Variants in C16orf92 observed in about 807,000 individuals in gnomAD.
C16orf92 encodes the protein fertilization-influencing membrane protein.
In C16orf92, 14 loss-of-function variants were observed where a neutral mutation model predicts 13.7. The ratio of observed to expected loss-of-function variants is 1.02; its 90% CI spans 0.67 to 1.60. The LOEUF (loss-of-function observed/expected upper bound fraction) is 1.60. Among genes scored for constraint, C16orf92 ranks in the 40% most tolerant of loss-of-function variants. The probability of loss-of-function intolerance (pLI) is 0.00; values close to 1 mark genes in which losing one functional copy is unlikely to be tolerated. For synonymous variants in C16orf92, 50 were observed against 57.4 expected (o/e 0.87, Z 0.58); for missense variants, 116 against 139.0 (o/e 0.83, Z 0.83).
At chr16:30,025,194 C>T (rs1403058245), downstream of C16orf92, 1 of 1,474,524 alleles carries the variant, frequency 6.8e-7, no homozygotes, top group Non-Finnish European at 8.9e-7. This position sits in a 1 kb window ranked among gnomAD's most constrained non-coding sequence, Gnocchi z 4.1. Flanking sequence ...CAGTCCTGGG[C>T]CTGGCAGGCC....
chr16:30,026,951 TG>T, downstream of C16orf92: 1 of 911,642 alleles, frequency 1.1e-6, no homozygotes, highest in East Asian at 2.6e-5. Context: ...AGCGGAGTCT[TG>T]GGTACAGATG....
chr16:30,025,681 T>A, downstream of C16orf92: 1 of 1,589,062 alleles, frequency 6.3e-7, no homozygotes. This position sits in a 1 kb window ranked among gnomAD's most constrained non-coding sequence, Gnocchi z 4.1. Context: ...CTCCCCTTCC[T>A]GTGACCTCCC....
chr16:30,023,669 C>T lies in C16orf92; in HGVS notation c.65-58C>T, dbSNP rs192016794. ...CAGGGTCCCAAGTCAGCTTCCGCCT[C>T]GAGAGATAAAGGCAGGGGTCAGCTT... is the stretch of plus-strand genomic sequence containing the variant. On this transcript the variant is annotated intron_variant, in intron 1 of 3. Transcript: ENST00000681219. The T allele has an allele frequency of 3.8e-5, 61 of 1,613,904 alleles. No homozygotes were observed. In the Middle Eastern group the frequency reaches 4.9e-4, roughly 13 times the overall value.
downstream of C16orf92, chr16:30,026,465 C>T: frequency 1.4e-6 from 1 of 738,776 alleles, no homozygotes; most frequent in Non-Finnish European, 2.2e-6. Flanking sequence ...GTGAACCCTG[C>T]CTGTCCACAG....
downstream of C16orf92, chr16:30,024,973 T>C: frequency 2.0e-6 from 1 of 495,462 alleles, no homozygotes; most frequent in Non-Finnish European, 3.5e-6. Context: ...AGCGCAAGGG[T>C]GTGCAGGAAG....
At chr16:30,025,142 G>C, downstream of C16orf92, 1 of 1,288,050 alleles carries the variant, frequency 7.8e-7, no homozygotes, top group Non-Finnish European at 1.0e-6. The surrounding 1 kb of genome is among the most constrained non-coding windows in gnomAD (Gnocchi z 4.1). Context: ...CTGTCTCCAC[G>C]GGGGTGGGGG....
At chr16:30,027,176 G>T (rs1377332697), downstream of C16orf92, 1 of 480,730 alleles carries the variant, frequency 2.1e-6, no homozygotes, top group Non-Finnish European at 4.1e-6. Flanking sequence ...ACAGGCAGGT[G>T]GGACCTTGCC....
At position 30,024,555 on chromosome 16, in the gene C16orf92, G is replaced by A; in HGVS notation, c.*328G>A. On this transcript the variant is annotated 3_prime_UTR_variant, in exon 4 of 4. Coordinates refer to ENST00000681219, the MANE Select transcript of C16orf92 (RefSeq NM_001109659.2). ...ACATGGCAGGGCCCGAGGGCGCGAT[G>A]TGCAGCCGATGGTGAGGGACTGGGC... 1 of 398,392 alleles carries A rather than the reference G, an allele frequency of 2.5e-6. No individual in the cohort carries two copies. The highest frequency in any genetic ancestry group is 4.5e-6 in the Non-Finnish European group (1 of 221,126). The allele number at this position is 398,392 out of a possible 1,614,324, so 24.7% of individuals were successfully genotyped here. A position where few individuals can be genotyped will look rare whatever the true frequency, so the allele number is the denominator to read the frequency against.
In C16orf92 at chr16:30,024,478, G is replaced by T. The variant is rs1293867117; in HGVS notation, c.*251G>T. On this transcript the variant is annotated 3_prime_UTR_variant, in exon 4 of 4. Coordinates refer to ENST00000681219, the MANE Select transcript of C16orf92 (RefSeq NM_001109659.2). ...TAGCGGTCTGTAAAGCACCTCCCAG[G>T]GTCCCCCGACCCCAGATTGGAGGAA... 1.8e-6 allele frequency: 1 copy of T among 569,886 alleles called. No homozygotes were observed. Among genetic ancestry groups the T allele is most frequent in the Non-Finnish European group, 3.1e-6 (1 of 325,110 alleles). 35.3% of individuals were successfully genotyped at this position (569,886 alleles called of 1,614,324 possible).
chr16:30,025,244 C>T, downstream of C16orf92: 1 of 1,533,044 alleles, frequency 6.5e-7, no homozygotes, highest in Non-Finnish European at 8.8e-7. This position sits in a 1 kb window ranked among gnomAD's most constrained non-coding sequence, Gnocchi z 4.1. Flanking sequence ...GCGGCAGGCC[C>T]CACGGCAGAT....
chr16:30,024,315 TC>T lies in C16orf92; in HGVS notation c.*91del, dbSNP rs1245509331. ...GAGCAAAAGTTCCCTGCTTTCCTCC[TC>T]CCTGACTGCCCAGCGAGCAGCTGGG... On this transcript the variant is annotated 3_prime_UTR_variant, in exon 4 of 4. Transcript: ENST00000681219. The T allele has an allele frequency of 2.0e-6, 3 of 1,507,014 alleles. No individual in the cohort carries two copies. The East Asian group carries it at 6.9e-5, about 35-fold the overall frequency. 93.4% of individuals were successfully genotyped at this position (1,507,014 alleles called of 1,614,324 possible).
In C16orf92 at chr16:30,023,784, TAGAC is replaced by T. The variant is rs749971410; in HGVS notation, c.127_130del (p.Arg43LeufsTer61). 2 of 1,614,002 alleles carry T rather than the reference TAGAC, an allele frequency of 1.2e-6. No homozygotes were observed. The highest frequency in any genetic ancestry group is 2.2e-5 in the East Asian group (1 of 44,876). On this transcript the variant is annotated frameshift_variant, in exon 2 of 4. Coordinates refer to ENST00000681219, the MANE Select transcript of C16orf92 (RefSeq NM_001109659.2). LOFTEE classifies it high-confidence loss of function. The stretch of plus-strand genomic sequence containing the variant: ...CTGGGGACAGAGTCTCCGCGCTTCT[TAGAC>T]AGACCTGACTTCTTCGATTATCCGG...
At chr16:30,027,305 T>C (rs1443001383), downstream of C16orf92, 6 of 396,250 alleles carry the variant, frequency 1.5e-5, no homozygotes, top group South Asian at 7.3e-5. Flanking sequence ...GGACAGGCGA[T>C]CTTCCAAACT....
chr16:30,025,556 A>T (rs577211876), downstream of C16orf92: 12 of 1,559,620 alleles, frequency 7.7e-6, no homozygotes, highest in Non-Finnish European at 1.1e-5. This position sits in a 1 kb window ranked among gnomAD's most constrained non-coding sequence, Gnocchi z 4.1. Context: ...CCTAGCAGGC[A>T]GCTCCTCCCA....
At position 30,023,907 on chromosome 16, in the gene C16orf92, G is replaced by A. The variant is rs746405101; in HGVS notation, c.223+22G>A. ...TCAGGTATGAACCAGCTTGAGAAGG[G>A]ACCTCCCTCCCCGCCAGGGTCTGGA... is the stretch of plus-strand genomic sequence containing the variant. On this transcript the variant is annotated intron_variant, in intron 2 of 3. Transcript: ENST00000681219. 4 of 1,601,818 alleles carry A rather than the reference G, an allele frequency of 2.5e-6. No homozygotes were observed. The South Asian group carries it at 4.4e-5, about 18-fold the overall frequency.
chr16:30,025,027 GT>G (rs1458310011), downstream of C16orf92: 7 of 568,210 alleles, frequency 1.2e-5, no homozygotes, highest in Non-Finnish European at 2.1e-5. The surrounding 1 kb of genome is among the most constrained non-coding windows in gnomAD (Gnocchi z 4.1). Flanking sequence ...CACCCCCTCA[GT>G]CCCCGAGAGA....
At chr16:30,025,309 G>T, downstream of C16orf92, 1 of 1,563,644 alleles carries the variant, frequency 6.4e-7, no homozygotes, top group South Asian at 1.2e-5. This position sits in a 1 kb window ranked among gnomAD's most constrained non-coding sequence, Gnocchi z 4.1. Context: ...CCAGGTTGAC[G>T]TGGGCAGGGA....
chr16:30,026,682 C>T, downstream of C16orf92: 2 of 1,613,944 alleles, frequency 1.2e-6, no homozygotes, highest in South Asian at 1.1e-5. Context: ...GTGCAGGTAG[C>T]CACGCGCTAT....
At position 30,023,766 on chromosome 16, in the gene C16orf92, C is replaced by T. The variant is rs1567291427; in HGVS notation, c.104C>T (p.Thr35Ile). 3.7e-6 allele frequency: 6 copies of T among 1,614,080 alleles called. 1 individual carries two copies. In the Admixed American group the frequency reaches 1.0e-4, roughly 27 times the overall value. Residue 35 changes from threonine (T) to isoleucine (I), a missense_variant, in exon 2 of 4, where the codon ACA becomes ATA. Physicochemically the swap from Thr to Ile is moderately conservative, Grantham distance 89. Transcript: ENST00000681219. Reference sequence around the variant, plus strand: ...CGTGCCACGGCGTCAGCCCTGGGGACAGAGTCTCCGCGCTTCTTAGACAGA... The same window carrying T: ...CGTGCCACGGCGTCAGCCCTGGGGATAGAGTCTCCGCGCTTCTTAGACAGA... Reference protein sequence around the residue: ...PKRATASALGTESPRFLDRPD... With the variant: ...PKRATASALGIESPRFLDRPD...
Sources: allele counts gnomAD v4.1 joint callset, GRCh38; gene constraint gnomAD v4.1.1; non-coding constraint Gnocchi (gnomAD v3.1); transcripts MANE v1.5; gene names NCBI Gene and HGNC (gene_info 2026-07-23, HGNC 2026-07-21).